Variants in NAPG observed in about 807,000 individuals in gnomAD.
NAPG encodes the protein NSF attachment protein gamma.
A neutral mutation model predicts 48.4 loss-of-function variants in NAPG; 25 were observed. The ratio of observed to expected loss-of-function variants is 0.52; its 90% CI spans 0.38 to 0.72. The LOEUF (loss-of-function observed/expected upper bound fraction) is 0.72, where lower values mean the gene tolerates loss of function less well. NAPG is among the 30% of genes least tolerant of loss of function. The pLI is 0.00. For synonymous variants in NAPG, 139 were observed against 127.2 expected (o/e 1.09, Z -0.62); for missense variants, 359 against 372.5 (o/e 0.96, Z 0.30).
chr18:10,545,069 T>TG (rs1307524300), intron 8 of NAPG, among the ~76,000 whole-genome samples: 4 of 152,220 alleles, frequency 2.6e-5, no homozygotes, highest in Non-Finnish European at 5.9e-5. Context: ...CCCAGCACTT[T>TG]GGGGGGCTGA....
intron 5 of NAPG, among the ~76,000 whole-genome samples, chr18:10,535,322 G>A (rs1256224538): frequency 6.6e-6 from 1 of 152,142 alleles, no homozygotes. Flanking sequence ...GTTAGTAATA[G>A]CTGTTAACAT....
rs760417613 is a variant in NAPG, at chr18:10,540,409, TA to T, written c.506+15del. On this transcript the variant is annotated intron_variant, in intron 8 of 11. Transcript: ENST00000322897. Reference sequence around the variant, plus strand: ...TAGTACGAGGACGTAGGTATGTCTTTAAAAACTATTGCTGTGTGTTTAACTA... The same window carrying T: ...TAGTACGAGGACGTAGGTATGTCTTTAAAACTATTGCTGTGTGTTTAACTA... 12 of 1,606,090 alleles carry T rather than the reference TA, an allele frequency of 7.5e-6. No individual in the cohort carries two copies. In the African/African-American group the frequency reaches 1.6e-4, roughly 22 times the overall value.
intron 9 of NAPG, among the ~76,000 whole-genome samples, chr18:10,547,366 C>T (rs2032291071): frequency 6.6e-6 from 1 of 152,176 alleles, no homozygotes; most frequent in African/African-American, 2.4e-5. Context: ...TCCAGAATTA[C>T]TCAACATGCA....
rs376002408 is a variant in NAPG at position 10,540,408 on chromosome 18, T to C, written c.506+9T>C. The C allele has an allele frequency of 3.2e-5, 52 of 1,606,302 alleles. No individual in the cohort carries two copies. The Middle Eastern group carries it at 3.0e-3, about 92-fold the overall frequency. The stretch of plus-strand genomic sequence containing the variant: ...CTAGTACGAGGACGTAGGTATGTCT[T>C]TAAAAACTATTGCTGTGTGTTTAAC... On this transcript the variant is annotated intron_variant, in intron 8 of 11. Transcript: ENST00000322897.
intron 7 of NAPG, 119 bp from the exon 8 acceptor site, chr18:10,540,210 G>A: frequency 9.5e-7 from 1 of 1,055,986 alleles, no homozygotes; most frequent in Admixed American, 2.3e-5. Flanking sequence ...AAATGAACTA[G>A]CAGCTTTCGT....
At chr18:10,541,913 G>A (rs1056981273) in intron 8 of NAPG, among the ~76,000 whole-genome samples, 1 of 152,212 alleles carries the variant, frequency 6.6e-6, no homozygotes, top group Non-Finnish European at 1.5e-5. Flanking sequence ...TAGCAGGAAA[G>A]GAGAGAGGCC....
chr18:10,537,752 TG>T (rs1186060702), intron 5 of NAPG, among the ~76,000 whole-genome samples: 1 of 152,248 alleles, frequency 6.6e-6, no homozygotes, highest in Non-Finnish European at 1.5e-5. Flanking sequence ...AAAAAAGTAT[TG>T]TTTTTATTTT....
chr18:10,540,119 A>G (rs1429908659), intron 7 of NAPG, 65 bp downstream of exon 7: 1 of 1,349,422 alleles, frequency 7.4e-7, no homozygotes, highest in Non-Finnish European at 1.0e-6. Flanking sequence ...TATATAGGAA[A>G]ATAGAGAAGT....
At position 10,546,219 on chromosome 18, in the gene NAPG, GTCC is replaced by G. The variant is rs1567893761; in HGVS notation, c.507-102_507-100del. 2 of 587,682 alleles carry G rather than the reference GTCC, an allele frequency of 3.4e-6. No individual in the cohort carries two copies. The highest frequency in any genetic ancestry group is 5.6e-6 in the Non-Finnish European group (2 of 359,486). 36.4% of individuals were successfully genotyped at this position (587,682 alleles called of 1,614,324 possible). On this transcript the variant is annotated intron_variant, in intron 8 of 11. Coordinates refer to ENST00000322897, the MANE Select transcript of NAPG (RefSeq NM_003826.3). This position sits in a 1 kb window ranked among gnomAD's most constrained non-coding sequence, Gnocchi z 4.0. Reference sequence around the variant, plus strand: ...CCTGGGGCAGCTGCTAATAATACCTGTCCTCCTGGTGTCTCTACAATCTATGAT... The same window carrying G: ...CCTGGGGCAGCTGCTAATAATACCTGTCCTGGTGTCTCTACAATCTATGAT...
rs745457865 is a variant in NAPG, at chr18:10,532,792, G to A, written c.206G>A (p.Arg69Lys). Residue 69 changes from arginine (R) to lysine (K), a missense_variant, in exon 3 of 12, where the codon AGG (arginine) becomes AAG (lysine). Physicochemically the swap from Arg to Lys is conservative, Grantham distance 26. Coordinates refer to ENST00000322897, the MANE Select transcript of NAPG (RefSeq NM_003826.3). ...GAAGCTGTTGCCCATGAAAATAATAGGGCGTATCTTTTTCAACTTTTAAAA... is the reference window on the plus strand; with the variant it reads ...GAAGCTGTTGCCCATGAAAATAATAAGGCGTATCTTTTTCAACTTTTAAAA... ...LREAVAHENN[R>K]ALFHAAKAYE... The A allele has an allele frequency of 7.0e-6, 11 of 1,560,616 alleles. No individual in the cohort carries two copies. Among genetic ancestry groups the A allele is most frequent in the South Asian group, 4.9e-5 (4 of 82,178 alleles).
intron 3 of NAPG, 155 bp downstream of exon 3, chr18:10,532,950 G>T: frequency 1.5e-6 from 1 of 647,852 alleles, no homozygotes; most frequent in Non-Finnish European, 2.6e-6. Flanking sequence ...CTATGAAGGA[G>T]CGTTTATAAT....
At position 10,530,813 on chromosome 18, in the gene NAPG, G is replaced by A; in HGVS notation, c.100G>A (p.Ala34Thr). ...FLKWKPDYDS[A>T]ASEYGKAAVA... ...AAAATGGAAGCCAGATTATGACAGT[G>A]CCGCTTCTGAATATGGAAAAGCAGG... The change falls in exon 2 of 12, where the codon GCC becomes ACC. Residue 34 changes from alanine (A) to threonine (T), a missense_variant. Coordinates refer to ENST00000322897, the MANE Select transcript of NAPG (RefSeq NM_003826.3). 1 of 1,585,556 alleles carries A rather than the reference G, an allele frequency of 6.3e-7. No individual in the cohort carries two copies. The highest frequency in any genetic ancestry group is 8.6e-7 in the Non-Finnish European group (1 of 1,166,806).
chr18:10,542,539 A>G lies in NAPG; in HGVS notation c.506+2140A>G, dbSNP rs1361540689. On this transcript the variant is annotated intron_variant, in intron 8 of 11. Transcript: ENST00000322897. The surrounding 1 kb of genome is among the most constrained non-coding windows in gnomAD (Gnocchi z 4.5). ...TATGTGATAATTGAAAATATTAACTATGTGCTTAGATTATTATTTGATTGC... is the reference window on the plus strand; with the variant it reads ...TATGTGATAATTGAAAATATTAACTGTGTGCTTAGATTATTATTTGATTGC... Among the ~76,000 whole-genome samples the G allele has an allele frequency of 2.0e-5, 3 of 152,172 alleles. No individual in the cohort carries two copies. The highest frequency in any genetic ancestry group is 4.8e-5 in the African/African-American group (2 of 41,432).
intron 3 of NAPG, chr18:10,533,069 C>T (rs1338485052): frequency 2.8e-5 from 10 of 358,116 alleles, no homozygotes; most frequent in African/African-American, 8.4e-5. Context: ...TAAAGTAAAT[C>T]TGTAGACATG....
intron 7 of NAPG, 40 bp from the exon 8 acceptor site, chr18:10,540,289 A>G (rs2032124935): frequency 9.6e-6 from 15 of 1,559,512 alleles, no homozygotes; most frequent in Non-Finnish European, 1.2e-5. Flanking sequence ...ACATTTCAAC[A>G]TTAAAGCAGC....
In NAPG at chr18:10,546,210, A is replaced by G; in HGVS notation, c.507-116A>G. On this transcript the variant is annotated intron_variant, in intron 8 of 11. Coordinates refer to ENST00000322897, the MANE Select transcript of NAPG (RefSeq NM_003826.3). This position sits in a 1 kb window ranked among gnomAD's most constrained non-coding sequence, Gnocchi z 4.0. ...AACCTGGGTCCTGGGGCAGCTGCTA[A>G]TAATACCTGTCCTCCTGGTGTCTCT... The G allele has an allele frequency of 1.8e-6, 1 of 544,396 alleles. No individual in the cohort carries two copies. The highest frequency in any genetic ancestry group is 3.8e-5 in the Admixed American group (1 of 26,588). The allele number at this position is 544,396 out of a possible 1,614,324, so 33.7% of individuals were successfully genotyped here.
Position 10,550,038 on chromosome 18 carries a change from A to G in NAPG, c.796-39A>G, listed in dbSNP as rs375255790. On this transcript the variant is annotated intron_variant, in intron 11 of 11. Transcript: ENST00000322897. Reference sequence around the variant, plus strand: ...GCTGAGTAAAACATGTTAGGATTCTAGTTATCCAGCTTTTAAGAACATGTT... The same window carrying G: ...GCTGAGTAAAACATGTTAGGATTCTGGTTATCCAGCTTTTAAGAACATGTT... 5.4e-6 allele frequency: 8 copies of G among 1,493,012 alleles called. No homozygotes were observed. In the African/African-American group the frequency reaches 1.0e-4, roughly 19 times the overall value. The allele number at this position is 1,493,012 out of a possible 1,614,324, so 92.5% of individuals were successfully genotyped here. A position where few individuals can be genotyped will look rare whatever the true frequency, so the allele number is the denominator to read the frequency against.
chr18:10,546,718 A>G lies in NAPG; in HGVS notation c.585+314A>G, dbSNP rs2032274264. ...GAATGAGTTTCTCGGGTTTTTTTCC[A>G]TTTCCTCTTGCAGCATTCATTGCCC... On this transcript the variant is annotated intron_variant, in intron 9 of 11. Coordinates refer to ENST00000322897, the MANE Select transcript of NAPG (RefSeq NM_003826.3). This position sits in a 1 kb window ranked among gnomAD's most constrained non-coding sequence, Gnocchi z 4.0. Among the ~76,000 whole-genome samples the G allele has an allele frequency of 6.6e-6, 1 of 152,182 alleles. No individual in the cohort carries two copies. The highest frequency in any genetic ancestry group is 2.4e-5 in the African/African-American group (1 of 41,450).
At chr18:10,532,528 CCAA>C (rs1176628245) in intron 2 of NAPG, among the ~76,000 whole-genome samples, 180 bp from the exon 3 acceptor site, 3 of 151,958 alleles carry the variant, frequency 2.0e-5, no homozygotes, top group Admixed American at 1.3e-4. Context: ...TCGTAAGTTA[CCAA>C]TAATTGGAAA....
Sources: gnomAD v4.1 joint callset for allele counts (sites outside exome capture counted in the v4.1 genomes callset) on GRCh38, gnomAD v4.1.1 for gene constraint, Gnocchi (gnomAD v3.1) non-coding constraint, MANE v1.5 for transcripts, NCBI Gene and HGNC (gene_info 2026-07-23, HGNC 2026-07-21) for gene names.